The following CDH13 variants were observed in gnomAD, a reference collection of about 807,000 sequenced individuals.
The protein encoded by CDH13 is cadherin 13.
In CDH13, 24 loss-of-function variants were observed where a neutral mutation model predicts 63.8. That is an observed-to-expected ratio of 0.38 (90% CI 0.27 to 0.53). CDH13 has a LOEUF of 0.53. Among genes scored for constraint, CDH13 ranks in the 20% least tolerant of loss-of-function variants. The probability of loss-of-function intolerance (pLI) is 0.85; values close to 1 mark genes in which losing one functional copy is unlikely to be tolerated. For synonymous variants in CDH13, 503 were observed against 355.3 expected (o/e 1.42, Z -4.67); for missense variants, 1,049 against 903.1 (o/e 1.16, Z -2.07).
intron 8 of CDH13, among the ~76,000 whole-genome samples, chr16:83,635,907 C>G (rs1006166649): frequency 2.0e-5 from 3 of 152,138 alleles, no homozygotes; most frequent in African/African-American, 7.2e-5. Context: ...ATTTTATCCT[C>G]TGTTTTCTTC....
chr16:83,674,885 A>G lies in CDH13; in HGVS notation c.1285-3323A>G, dbSNP rs137943117. ...AAGTTTATTTTCTATTCTGTCCTCAAAGAAGGTAGTATCCAGAAAGCATCC... is the reference window on the plus strand; with the variant it reads ...AAGTTTATTTTCTATTCTGTCCTCAGAGAAGGTAGTATCCAGAAAGCATCC... On this transcript the variant is annotated intron_variant, in intron 9 of 13. Transcript: ENST00000567109. 1.1e-4 allele frequency among the ~76,000 whole-genome samples: 16 copies of G among 152,342 alleles called. No individual in the cohort carries two copies. The East Asian group carries it at 3.1e-3, about 29-fold the overall frequency.
intron 2 of CDH13, among the ~76,000 whole-genome samples, chr16:82,972,229 C>A (rs528659697): frequency 6.6e-6 from 1 of 151,454 alleles, no homozygotes; most frequent in African/African-American, 2.4e-5. Context: ...GAGGAGGACC[C>A]TATGACAGAA....
In CDH13 at chr16:83,208,418, T is replaced by C. The variant is rs180689540; in HGVS notation, c.484-8927T>C. The stretch of plus-strand genomic sequence containing the variant: ...CTTACAGATTACCTTACAGAAGCAA[T>C]CTAATGATAAAACACAAATGCCTCT... On this transcript the variant is annotated intron_variant, in intron 4 of 13. Transcript: ENST00000567109. Among the ~76,000 whole-genome samples, 5 of 152,098 alleles carry C rather than the reference T, an allele frequency of 3.3e-5. No homozygotes were observed. In the East Asian group the frequency reaches 9.7e-4, roughly 29 times the overall value.
chr16:83,493,586 G>A (rs79472355), intron 7 of CDH13, among the ~76,000 whole-genome samples: 2,139 of 152,294 alleles, frequency 0.014, 10 homozygotes, highest in Middle Eastern at 0.034. Flanking sequence ...GAGTGGCATG[G>A]ACAAAGGCAT....
intron 2 of CDH13, among the ~76,000 whole-genome samples, chr16:82,865,366 A>G (rs1400593216): frequency 1.3e-5 from 2 of 152,216 alleles, no homozygotes; most frequent in African/African-American, 2.4e-5. Context: ...TGCCTCTGCA[A>G]CAAACTTTTG....
At chr16:83,759,679 C>T (rs930833382) in intron 11 of CDH13, among the ~76,000 whole-genome samples, 8 of 152,066 alleles carry the variant, frequency 5.3e-5, no homozygotes, top group African/African-American at 1.9e-4. Context: ...ATAATCCCAG[C>T]ACCTTGGGAA....
At chr16:83,491,304 T>A (rs561111210) in intron 7 of CDH13, among the ~76,000 whole-genome samples, 54 of 152,364 alleles carry the variant, frequency 3.5e-4, no homozygotes, top group Non-Finnish European at 6.0e-4. Flanking sequence ...TATATTCCAG[T>A]AAATGAAATT....
At chr16:83,380,438 A>C (rs1157807544) in intron 6 of CDH13, among the ~76,000 whole-genome samples, 1 of 152,216 alleles carries the variant, frequency 6.6e-6, no homozygotes, top group East Asian at 1.9e-4. Flanking sequence ...ATTTGAAGAT[A>C]AAAGACGTGA....
chr16:83,561,334 G>A (rs1004962223), intron 7 of CDH13, among the ~76,000 whole-genome samples: 1 of 150,520 alleles, frequency 6.6e-6, no homozygotes, highest in Non-Finnish European at 1.5e-5. Flanking sequence ...GCTGAGGCAG[G>A]AGAATTATTT....
intron 1 of CDH13, among the ~76,000 whole-genome samples, chr16:82,650,469 C>T (rs1910597209): frequency 1.3e-5 from 2 of 152,150 alleles, no homozygotes; most frequent in African/African-American, 2.4e-5. Flanking sequence ...GAAGCCTGCA[C>T]ACCACAGACT....
chr16:82,845,899 C>CT (rs921027349), intron 1 of CDH13, among the ~76,000 whole-genome samples: 1 of 152,182 alleles, frequency 6.6e-6, no homozygotes, highest in African/African-American at 2.4e-5. Context: ...TGTATTTTTC[C>CT]TTTTAAGTTT....
intron 2 of CDH13, among the ~76,000 whole-genome samples, chr16:82,909,548 C>A (rs1046882861): frequency 2.0e-5 from 3 of 149,030 alleles, no homozygotes; most frequent in Non-Finnish European, 4.6e-5. Flanking sequence ...CTAACAGTTC[C>A]ACATGGCTGG....
At chr16:83,164,178 T>C (rs1237148791) in intron 4 of CDH13, among the ~76,000 whole-genome samples, 3 of 152,114 alleles carry the variant, frequency 2.0e-5, no homozygotes, top group African/African-American at 7.2e-5. Flanking sequence ...GGTTAGTTCT[T>C]TACATGCTTA....
intron 1 of CDH13, chr16:82,719,447 T>A (rs1028925590): frequency 8.8e-6 from 4 of 455,766 alleles, no homozygotes; most frequent in African/African-American, 8.0e-5. Flanking sequence ...GTTTTCCCAC[T>A]TGCAGAAGGA....
intron 1 of CDH13, among the ~76,000 whole-genome samples, chr16:82,711,100 C>A (rs1283637951): frequency 6.6e-6 from 1 of 152,038 alleles, no homozygotes; most frequent in Non-Finnish European, 1.5e-5. Flanking sequence ...TACCTCCTGG[C>A]AGTTTCTACG....
chr16:83,529,367 T>G (rs1225979208), intron 7 of CDH13, among the ~76,000 whole-genome samples: 1 of 152,152 alleles, frequency 6.6e-6, no homozygotes, highest in Non-Finnish European at 1.5e-5. Context: ...ACCTTAATAT[T>G]TGAGTTTATA....
At chr16:83,191,426 C>T (rs532063806) in intron 4 of CDH13, among the ~76,000 whole-genome samples, 65 of 133,044 alleles carry the variant, frequency 4.9e-4, no homozygotes, top group Non-Finnish European at 8.4e-4. Context: ...TTGTATTAGT[C>T]GGGGTTCTTT....
At chr16:83,294,080 T>A (rs1308050132) in intron 5 of CDH13, among the ~76,000 whole-genome samples, 1 of 152,198 alleles carries the variant, frequency 6.6e-6, no homozygotes, top group Admixed American at 6.5e-5. Flanking sequence ...TTATAAACTA[T>A]TTTTCTTTTA....
At position 83,073,367 on chromosome 16, in the gene CDH13, G is replaced by GAA. The variant is rs1555576563; in HGVS notation, c.366+41150_366+41151insAA. ...TGTGTGTGTGTGTGAGAGAGAGAGA[G>GAA]AGAGAGAGAGCTTTCTTAATTACCA... On this transcript the variant is annotated intron_variant, in intron 3 of 13. Coordinates refer to ENST00000567109, the MANE Select transcript of CDH13 (RefSeq NM_001257.5). 3.4e-4 allele frequency among the ~76,000 whole-genome samples: 47 copies of GAA among 140,014 alleles called. 1 individual carries two copies. Among genetic ancestry groups the GAA allele is most frequent in the African/African-American group, 1.1e-3 (45 of 39,592 alleles). 91.9% of individuals were successfully genotyped at this position (140,014 alleles called of 152,430 possible). A position where few individuals can be genotyped will look rare whatever the true frequency, so the allele number is the denominator to read the frequency against.
Sources: gnomAD v4.1 joint callset for allele counts (sites outside exome capture counted in the v4.1 genomes callset) on GRCh38, gnomAD v4.1.1 for gene constraint, MANE v1.5 for transcripts, NCBI Gene and HGNC (gene_info 2026-07-23, HGNC 2026-07-21) for gene names.